TANC1: variants seen among roughly 807,000 people sequenced by gnomAD.
TANC1 encodes the protein tetratricopeptide repeat, ankyrin repeat and coiled-coil containing 1.
A neutral mutation model predicts 149.7 loss-of-function variants in TANC1; 77 were observed. The ratio of observed to expected loss-of-function variants is 0.51; its 90% CI spans 0.43 to 0.62. The LOEUF (loss-of-function observed/expected upper bound fraction) is 0.62, where lower values mean the gene tolerates loss of function less well. Among genes scored for constraint, TANC1 ranks in the 20% least tolerant of loss-of-function variants. The pLI is 0.00. For synonymous variants in TANC1, 854 were observed against 925.0 expected (o/e 0.92, Z 1.39); for missense variants, 1,985 against 2,321.8 (o/e 0.85, Z 2.98).
intron 2 of TANC1, among the ~76,000 whole-genome samples, chr2:159,063,539 T>C (rs1349589288): frequency 6.6e-6 from 1 of 152,152 alleles, no homozygotes; most frequent in Non-Finnish European, 1.5e-5. Context: ...CTTTCCAGTC[T>C]GGGGGAGGGG....
chr2:159,051,523 C>T (rs540619710), intron 2 of TANC1, among the ~76,000 whole-genome samples: 61 of 152,258 alleles, frequency 4.0e-4, no homozygotes, highest in African/African-American at 6.3e-4. Flanking sequence ...ATACATGGCG[C>T]GTAACATACC....
chr2:159,117,937 G>GTACTGGAGTTTTTCTC (rs74572099), intron 4 of TANC1, among the ~76,000 whole-genome samples: 3 of 146,882 alleles, frequency 2.0e-5, no homozygotes, highest in East Asian at 2.0e-4. Flanking sequence ...GAGTTTTTCT[G>GTACTGGAGTTTTTCTC]TACTGGAGTT....
At chr2:159,159,904 C>T (rs913906726) in intron 7 of TANC1, among the ~76,000 whole-genome samples, 2 of 151,934 alleles carry the variant, frequency 1.3e-5, no homozygotes, top group Non-Finnish European at 2.9e-5. Flanking sequence ...GCCTATAGTC[C>T]CAGCTACTTG....
intron 4 of TANC1, among the ~76,000 whole-genome samples, chr2:159,108,923 C>A (rs995483980): frequency 6.6e-6 from 1 of 152,120 alleles, no homozygotes; most frequent in Admixed American, 6.5e-5. Context: ...TGGGGCCTAT[C>A]GAGATAGTTA....
At chr2:159,219,969 C>A in intron 22 of TANC1, 102 bp downstream of exon 22, 1 of 963,564 alleles carries the variant, frequency 1.0e-6, no homozygotes, top group Non-Finnish European at 1.5e-6. Flanking sequence ...GTCTCAGTGT[C>A]ATCAGAGAGT....
chr2:159,141,667 A>G (rs930306615), intron 5 of TANC1, among the ~76,000 whole-genome samples: 1 of 152,254 alleles, frequency 6.6e-6, no homozygotes, highest in Non-Finnish European at 1.5e-5. Flanking sequence ...GAAAGAGCTC[A>G]GGATATAAAC....
In TANC1 at chr2:159,101,506, TC is replaced by T. The variant is rs1240669715; in HGVS notation, c.259+3674del. Among the ~76,000 whole-genome samples the T allele has an allele frequency of 4.7e-5, 7 of 149,058 alleles. No individual in the cohort carries two copies. The East Asian group carries it at 1.7e-3, about 37-fold the overall frequency. On this transcript the variant is annotated intron_variant, in intron 4 of 26. Coordinates refer to ENST00000263635, the MANE Select transcript of TANC1 (RefSeq NM_033394.3). ...TTTATTTACTCTTCTGCCACCTTCC[TC>T]CATTTATTTGGTTTTTTTTTTCATT...
At chr2:159,217,380 A>G in intron 19 of TANC1, 117 bp from the exon 20 acceptor site, 2 of 1,345,754 alleles carry the variant, frequency 1.5e-6, no homozygotes, top group Non-Finnish European at 2.1e-6. Context: ...CGCAGGTTCA[A>G]AGGGGGAGGA....
intron 1 of TANC1, among the ~76,000 whole-genome samples, chr2:158,974,600 T>G (rs1321806909): frequency 6.6e-6 from 1 of 151,212 alleles, no homozygotes; most frequent in African/African-American, 2.4e-5. Context: ...GCCTGGCTAA[T>G]TTTTGTGTTT....
intron 2 of TANC1, among the ~76,000 whole-genome samples, chr2:159,011,022 G>C (rs2037701494): frequency 6.6e-6 from 1 of 151,952 alleles, no homozygotes; most frequent in Non-Finnish European, 1.5e-5. Context: ...GAGTGTTCTG[G>C]GGCTTTACAT....
intron 2 of TANC1, chr2:159,004,138 T>G: frequency 6.2e-7 from 1 of 1,612,312 alleles, no homozygotes; most frequent in Non-Finnish European, 8.5e-7. Flanking sequence ...ACAGAAATGC[T>G]TCCTGGAATA....
At chr2:159,171,999 A>G (rs2055306273) in intron 10 of TANC1, 122 bp from the exon 11 acceptor site, 1 of 943,152 alleles carries the variant, frequency 1.1e-6, no homozygotes, top group African/African-American at 1.6e-5. Context: ...GGACCTCTGA[A>G]TTTTGGACCA....
In TANC1 at chr2:159,179,139, A is replaced by G. The variant is rs1403679464; in HGVS notation, c.2486A>G (p.Asn829Ser). ...CTTGTATGGAGAGCAGACGGGGAAA[A>G]CACGGCCTTCCTGTGTGAGCCCAGG... ...EWLVWRADGE[N>S]TAFLCEPRNG... The change falls in exon 14 of 27, where the codon AAC becomes AGC. Residue 829 changes from asparagine (N) to serine (S), a missense_variant. Physicochemically the swap from Asn to Ser is conservative, Grantham distance 46. Coordinates refer to ENST00000263635, the MANE Select transcript of TANC1 (RefSeq NM_033394.3). The G allele has an allele frequency of 2.5e-6, 4 of 1,612,246 alleles. No individual in the cohort carries two copies. Among genetic ancestry groups the G allele is most frequent in the Non-Finnish European group, 3.4e-6 (4 of 1,179,326 alleles).
intron 3 of TANC1, among the ~76,000 whole-genome samples, chr2:159,085,762 G>A (rs891910527): frequency 2.2e-4 from 34 of 152,104 alleles, no homozygotes; most frequent in Non-Finnish European, 4.0e-4. Context: ...GGAGGGCACC[G>A]AGCCATTCAT....
chr2:159,031,828 A>G (rs900349803), intron 2 of TANC1, among the ~76,000 whole-genome samples: 10 of 152,212 alleles, frequency 6.6e-5, no homozygotes, highest in Non-Finnish European at 1.5e-4. Flanking sequence ...ATGGGCATGC[A>G]TAACAGTACA....
At chr2:159,079,468 A>G (rs1041893625) in intron 3 of TANC1, among the ~76,000 whole-genome samples, 2 of 151,158 alleles carry the variant, frequency 1.3e-5, no homozygotes, top group African/African-American at 4.9e-5. Flanking sequence ...AAGACTACAT[A>G]GTTACTGAGT....
intron 18 of TANC1, among the ~76,000 whole-genome samples, 173 bp downstream of exon 18, chr2:159,196,966 A>G (rs766607899): frequency 2.0e-5 from 3 of 152,232 alleles, no homozygotes; most frequent in Non-Finnish European, 4.4e-5. Context: ...GTGACAGTGC[A>G]CACTCCTATG....
Position 159,136,239 on chromosome 2 carries a change from G to A in TANC1, c.305G>A (p.Gly102Glu), listed in dbSNP as rs199718354. The change falls in exon 5 of 27, where the codon GGA becomes GAA. Residue 102 changes from glycine to glutamate, a missense_variant. Around this residue, in one of 3 missense-constraint regions of TANC1, gnomAD observed 557 missense variants for 612.9 expected, o/e 0.91. Transcript: ENST00000263635. The stretch of plus-strand genomic sequence containing the variant: ...TATGTGGAAAGCCCCAGAGTGCCTG[G>A]AGATGCAGTTATAATGCCATTCAGA... ...PKYVESPRVP[G>E]DAVIMPFREV... 8.9e-5 allele frequency: 144 copies of A among 1,613,688 alleles called. 1 individual carries two copies. The highest frequency in any genetic ancestry group is 6.7e-5 in the East Asian group (3 of 44,870).
In TANC1 at chr2:159,230,377, T is replaced by G; in HGVS notation, c.4951T>G (p.Cys1651Gly). ...TCCAAACCAAGGTGGGCTGGCGACCTGCAGCGACGTGCGACACCCAGCTTC... is the reference window on the plus strand; with the variant it reads ...TCCAAACCAAGGTGGGCTGGCGACCGGCAGCGACGTGCGACACCCAGCTTC... Reference protein sequence around the residue: ...APPNQGGLATCSDVRHPASLT... With the variant: ...APPNQGGLATGSDVRHPASLT... Residue 1651 changes from cysteine to glycine, a missense_variant, in exon 27 of 27, where the codon TGC becomes GGC. Coordinates refer to ENST00000263635, the MANE Select transcript of TANC1 (RefSeq NM_033394.3). This position sits in a 1 kb window ranked among gnomAD's most constrained non-coding sequence, Gnocchi z 4.4. The G allele has an allele frequency of 2.5e-6, 4 of 1,614,164 alleles. No homozygotes were observed. Among genetic ancestry groups the G allele is most frequent in the Non-Finnish European group, 3.4e-6 (4 of 1,180,038 alleles).
Sources: gnomAD v4.1 joint callset for allele counts (sites outside exome capture counted in the v4.1 genomes callset) on GRCh38, gnomAD v4.1.1 for gene constraint, gnomAD v4.1.1 regional missense constraint, Gnocchi (gnomAD v3.1) non-coding constraint, MANE v1.5 for transcripts, NCBI Gene and HGNC (gene_info 2026-07-23, HGNC 2026-07-21) for gene names.